ABR: variants seen among roughly 807,000 people sequenced by gnomAD.
The protein encoded by ABR is active breakpoint cluster region-related protein.
ABR carries 35 observed loss-of-function variants against 107.2 expected under a neutral mutation model. That is an observed-to-expected ratio of 0.33 (90% CI 0.25 to 0.43). The LOEUF is 0.43. ABR is among the 20% of genes least tolerant of loss of function. The probability of loss-of-function intolerance (pLI) is 1.00; values close to 1 mark genes in which losing one functional copy is unlikely to be tolerated. For missense variants in ABR, 815 were observed against 1,115.2 expected (o/e 0.73, Z 3.83); for synonymous variants, 498 against 462.0 (o/e 1.08, Z -1.00).
intron 2 of ABR, among the ~76,000 whole-genome samples, chr17:1,113,575 C>A (rs991060688): frequency 2.0e-5 from 3 of 152,064 alleles, no homozygotes; most frequent in African/African-American, 7.2e-5. Context: ...GTGTGAGACA[C>A]GGCACCTGGC....
rs369755696 is a variant in ABR at position 1,050,225 on chromosome 17, G to T, written c.1660-44C>A. 1.3e-6 allele frequency: 2 copies of T among 1,585,140 alleles called. No homozygotes were observed. The highest frequency in any genetic ancestry group is 2.7e-5 in the African/African-American group (2 of 74,044). On this transcript the variant is annotated intron_variant, in intron 15 of 22. Coordinates refer to ENST00000302538, the MANE Select transcript of ABR (RefSeq NM_021962.5). This position sits in a 1 kb window ranked among gnomAD's most constrained non-coding sequence, Gnocchi z 4.6. ...AAGGGCCCTGAACCTCCGAAGCTGG[G>T]AGGCCTGGCTTTCCGGCAGGTGCGT...
chr17:1,083,407 C>G, intron 5 of ABR, 113 bp downstream of exon 5: 1 of 633,816 alleles, frequency 1.6e-6, no homozygotes, highest in Non-Finnish European at 2.8e-6. Flanking sequence ...CTAAGTGTTA[C>G]CCATTAGAGT....
chr17:1,063,966 T>C (rs1179669533), intron 10 of ABR, among the ~76,000 whole-genome samples: 1 of 148,526 alleles, frequency 6.7e-6, no homozygotes, highest in African/African-American at 2.5e-5. Flanking sequence ...CTGAGGGCTA[T>C]GCATGTTCCT....
rs1428044196 is a variant in ABR, at chr17:1,148,839, C to T, written c.62-23472G>A. 2.0e-5 allele frequency among the ~76,000 whole-genome samples: 3 copies of T among 152,140 alleles called. No homozygotes were observed. Among genetic ancestry groups the T allele is most frequent in the Non-Finnish European group, 4.4e-5 (3 of 68,024 alleles). ...GTGAACGTGCCTCGGGCCACTGATG[C>T]GTACACTGGATGGAAAATTTTAGGC... On this transcript the variant is annotated intron_variant, in intron 1 of 22. Transcript: ENST00000302538. The surrounding 1 kb of genome is among the most constrained non-coding windows in gnomAD (Gnocchi z 4.9).
intron 16 of ABR, among the ~76,000 whole-genome samples, chr17:1,024,042 A>AAAAAAAAAAAAAAAAAAAAAAAAAC (rs2071959727): frequency 6.7e-6 from 1 of 149,036 alleles, no homozygotes. Context: ...AAAAAAAAAA[A>AAAAAAAAAAAAAAAAAAAAAAAAAC]AAAAAAAGCA....
chr17:1,198,632 T>C (rs988960195), intron 1 of ABR, among the ~76,000 whole-genome samples: 3 of 150,876 alleles, frequency 2.0e-5, no homozygotes, highest in Non-Finnish European at 4.4e-5. Context: ...TCCCAGCTAC[T>C]TGGTTTTTTG....
chr17:1,124,126 C>A (rs2039480175), intron 2 of ABR, among the ~76,000 whole-genome samples: 1 of 152,146 alleles, frequency 6.6e-6, no homozygotes, highest in Non-Finnish European at 1.5e-5. Flanking sequence ...AACAGCCACC[C>A]CGGTGTGTGA....
intron 1 of ABR, among the ~76,000 whole-genome samples, chr17:1,224,706 G>C (rs1028914342): frequency 3.9e-5 from 6 of 152,096 alleles, no homozygotes; most frequent in Admixed American, 6.6e-5. Context: ...ACAGGGACTC[G>C]CTCTGTCACC....
chr17:1,012,848 G>A lies in ABR; in HGVS notation c.1852-51C>T, dbSNP rs563621369. ...GATTCCCCAGGGTGTGAGTGCCCGA[G>A]GAATGCCCCCAAAACACAGGGGTCC... On this transcript the variant is annotated intron_variant, in intron 17 of 22. Transcript: ENST00000302538. The A allele has an allele frequency of 2.8e-5, 41 of 1,450,014 alleles. No individual in the cohort carries two copies. The South Asian group carries it at 5.0e-4, about 18-fold the overall frequency. 89.8% of individuals were successfully genotyped at this position (1,450,014 alleles called of 1,614,324 possible).
intron 3 of ABR, among the ~76,000 whole-genome samples, chr17:1,099,724 C>T (rs1170535222): frequency 6.6e-6 from 1 of 152,216 alleles, no homozygotes; most frequent in Non-Finnish European, 1.5e-5. Flanking sequence ...TTTTCATATT[C>T]CCCTCCCAAT....
intron 16 of ABR, among the ~76,000 whole-genome samples, chr17:1,032,498 C>T (rs2072882245): frequency 6.6e-6 from 1 of 152,030 alleles, no homozygotes; most frequent in Admixed American, 6.6e-5. Context: ...TGAACCATGG[C>T]CCTTTGCACC....
rs112351398 is a variant in ABR at position 1,082,772 on chromosome 17, G to A, written c.639+748C>T. Among the ~76,000 whole-genome samples, 371 of 152,220 alleles carry A rather than the reference G, an allele frequency of 2.4e-3. 4 individuals are homozygous for A. Among genetic ancestry groups the A allele is most frequent in the African/African-American group, 8.4e-3 (351 of 41,542 alleles). On this transcript the variant is annotated intron_variant, in intron 5 of 22. Transcript: ENST00000302538. ...CAAAGCCTTCTGAATCAGAAGCTCC[G>A]GGGAAGGTGCCAGGAAATCTGTGTT...
At chr17:1,099,870 G>A (rs1330334573) in intron 3 of ABR, among the ~76,000 whole-genome samples, 1 of 152,208 alleles carries the variant, frequency 6.6e-6, no homozygotes, top group Non-Finnish European at 1.5e-5. Flanking sequence ...GCTCATGCCT[G>A]TAATCCCAGC....
At chr17:1,047,143 G>A (rs535057837) in intron 16 of ABR, among the ~76,000 whole-genome samples, 1 of 152,334 alleles carries the variant, frequency 6.6e-6, no homozygotes, top group African/African-American at 2.4e-5. Flanking sequence ...CTCAGAGACT[G>A]CCCTCCTCCT....
intron 2 of ABR, among the ~76,000 whole-genome samples, chr17:1,104,097 C>G (rs185434643): frequency 1.6e-3 from 241 of 152,240 alleles, no homozygotes; most frequent in African/African-American, 5.1e-3. Context: ...CTAAAGAGTT[C>G]CAGGTCCCAC....
At chr17:1,023,412 G>A (rs1228459959) in intron 16 of ABR, among the ~76,000 whole-genome samples, 1 of 152,250 alleles carries the variant, frequency 6.6e-6, no homozygotes, top group Non-Finnish European at 1.5e-5. Flanking sequence ...CAGCCTGGAG[G>A]CTTCAGCTTC....
chr17:1,176,254 T>C (rs540074395), intron 1 of ABR, among the ~76,000 whole-genome samples: 6 of 152,218 alleles, frequency 3.9e-5, no homozygotes, highest in South Asian at 2.1e-4. Flanking sequence ...CAGGGCCAGG[T>C]TGGGGTCAGA....
intron 2 of ABR, among the ~76,000 whole-genome samples, chr17:1,107,789 G>T (rs2038360516): frequency 6.6e-6 from 1 of 152,214 alleles, no homozygotes; most frequent in Non-Finnish European, 1.5e-5. Flanking sequence ...AGGGTGGGGT[G>T]CCAGCCACTG....
At position 1,003,786 on chromosome 17, in the gene ABR, G is replaced by C. The variant is rs2069827120; in HGVS notation, c.*2294C>G. 6.6e-6 allele frequency: 1 copy of C among 152,404 alleles called. No individual in the cohort carries two copies. Among genetic ancestry groups the C allele is most frequent in the Non-Finnish European group, 1.5e-5 (1 of 68,058 alleles). The allele number at this position is 152,404 out of a possible 1,614,324, so 9.4% of individuals were successfully genotyped here. A position where few individuals can be genotyped will look rare whatever the true frequency, so the allele number is the denominator to read the frequency against. ...ACTCCTGCTGGGCACAGCCCACCCT[G>C]CTGGGCACAGTGACTGGAGGTTCCA... On this transcript the variant is annotated 3_prime_UTR_variant, in exon 23 of 23. Coordinates refer to ENST00000302538, the MANE Select transcript of ABR (RefSeq NM_021962.5).
Sources: allele counts gnomAD v4.1 joint callset (sites outside exome capture counted in the v4.1 genomes callset), GRCh38; gene constraint gnomAD v4.1.1; non-coding constraint Gnocchi (gnomAD v3.1); transcripts MANE v1.5; gene names NCBI Gene and HGNC (gene_info 2026-07-23, HGNC 2026-07-21).